The following NF1 variants were observed in gnomAD, a reference collection of about 807,000 sequenced individuals.
The protein encoded by NF1 is neurofibromin 1.
Under a neutral mutation model 325.7 loss-of-function variants are expected in NF1, and 122 were observed. The observed-to-expected ratio is 0.37, with a 90% CI of 0.32 to 0.44. The LOEUF is 0.44. NF1 is among the 20% of genes least tolerant of loss of function. NF1 has a pLI of 1.00. For missense variants in NF1, 2,140 were observed against 3,415.4 expected (o/e 0.63, Z 9.31); for synonymous variants, 1,091 against 1,186.0 (o/e 0.92, Z 1.65).
chr17:31,227,478 G>A (rs1157933628), intron 19 of NF1, 45 bp from the exon 20 acceptor site: 2 of 1,594,362 alleles, frequency 1.3e-6, no homozygotes, highest in Admixed American at 3.3e-5. Context: ...TTGATGTTTA[G>A]CTCTAGACTA....
At chr17:31,215,889 G>T (rs1420595741) in intron 13 of NF1, among the ~76,000 whole-genome samples, 1 of 152,110 alleles carries the variant, frequency 6.6e-6, no homozygotes, top group Non-Finnish European at 1.5e-5. Context: ...ATGAAACTTC[G>T]TGAATTTTTT....
chr17:31,293,178 CA>C (rs71142044), intron 36 of NF1, among the ~76,000 whole-genome samples: 12 of 64,882 alleles, frequency 1.8e-4, no homozygotes, highest in East Asian at 1.5e-3. Flanking sequence ...GACTTCGTCT[CA>C]AAAAAAAAAA....
intron 1 of NF1, among the ~76,000 whole-genome samples, chr17:31,099,038 T>C (rs892313443): frequency 1.3e-5 from 2 of 151,792 alleles, no homozygotes; most frequent in African/African-American, 4.8e-5. Flanking sequence ...CCAGGGGGAG[T>C]TAAGCTTTCC....
intron 48 of NF1, among the ~76,000 whole-genome samples, chr17:31,347,014 T>G (rs1449041458): frequency 6.6e-6 from 1 of 151,326 alleles, no homozygotes; most frequent in Non-Finnish European, 1.5e-5. Context: ...CACTGTTCCT[T>G]TCTTTTATTG....
chr17:31,233,641 T>C (rs1460752826), intron 27 of NF1, among the ~76,000 whole-genome samples: 1 of 152,218 alleles, frequency 6.6e-6, no homozygotes, highest in Non-Finnish European at 1.5e-5. Context: ...TTTGATATTA[T>C]GATATTGTTT....
chr17:31,274,236 TGA>T (rs762020687), intron 36 of NF1, among the ~76,000 whole-genome samples: 4 of 152,182 alleles, frequency 2.6e-5, no homozygotes, highest in Non-Finnish European at 1.5e-5. Flanking sequence ...CCAGTCACCT[TGA>T]AGTGCATAAA....
chr17:31,260,589 ATAGTGCT>A, intron 34 of NF1, 74 bp downstream of exon 34: 1 of 1,524,820 alleles, frequency 6.6e-7, no homozygotes, highest in Admixed American at 1.7e-5. Context: ...TTGGTCATGA[ATAGTGCT>A]TTTTACTTTG....
chr17:31,236,760 G>C (rs1006664335), intron 29 of NF1, among the ~76,000 whole-genome samples: 9 of 151,958 alleles, frequency 5.9e-5, no homozygotes, highest in Admixed American at 5.9e-4. Flanking sequence ...CCAGAGTGCA[G>C]TTTAAACCAC....
In NF1 at chr17:31,219,071, C is replaced by T. The variant is rs2143986669; in HGVS notation, c.1594C>T (p.Leu532=). Residue 532 remains leucine (L), a synonymous_variant, in exon 14 of 58, where the codon CTG becomes TTG. Coordinates refer to ENST00000358273, the MANE Select transcript of NF1 (RefSeq NM_001042492.3). The part of the protein sequence containing the change: ...TAELITGLVQ[L]VPQSHMPEIA... ...AGAATTAATTACAGGGCTCGTCCAA[C>T]TGGTCCCTCAGTCACACATGCCAGA... 6.2e-7 allele frequency: 1 copy of T among 1,613,846 alleles called. No individual in the cohort carries two copies.
intron 1 of NF1, among the ~76,000 whole-genome samples, chr17:31,098,527 G>C (rs1911982997): frequency 6.6e-6 from 1 of 152,022 alleles, no homozygotes; most frequent in Admixed American, 6.6e-5. Context: ...ACCACTCCTG[G>C]ATAACATTTG....
At chr17:31,126,936 T>C (rs895364465) in intron 1 of NF1, among the ~76,000 whole-genome samples, 5 of 152,222 alleles carry the variant, frequency 3.3e-5, no homozygotes, top group African/African-American at 1.2e-4. Context: ...GCTTTTCACT[T>C]TTACATTGAA....
In NF1 at chr17:31,304,679, C is replaced by T. The variant is rs139395003; in HGVS notation, c.4836-21141C>T. 10 of 1,614,090 alleles carry T rather than the reference C, an allele frequency of 6.2e-6. No homozygotes were observed. In the South Asian group the frequency reaches 1.1e-4, roughly 18 times the overall value. On this transcript the variant is annotated intron_variant, in intron 36 of 57. Transcript: ENST00000358273. ...TCTTCTGATGTACCATTTACTTGAT[C>T]TTTTATTTTCTCTGTTTTGGGGTTG...
chr17:31,239,547 A>G (rs2067258235), intron 29 of NF1, among the ~76,000 whole-genome samples: 1 of 123,394 alleles, frequency 8.1e-6, no homozygotes, highest in African/African-American at 4.4e-5. Flanking sequence ...ACCTAAAGCA[A>G]GATGGGGGGA....
At chr17:31,222,050 T>G in intron 15 of NF1, 121 bp downstream of exon 15, 1 of 1,283,822 alleles carries the variant, frequency 7.8e-7, no homozygotes, top group Non-Finnish European at 9.9e-7. Context: ...GGTTTTATGG[T>G]TTTGTATTTT....
In NF1 at chr17:31,326,072, G is replaced by A. The variant is rs786203568; in HGVS notation, c.5088G>A (p.Leu1696=). 2 of 1,614,012 alleles carry A rather than the reference G, an allele frequency of 1.2e-6. No homozygotes were observed. The highest frequency in any genetic ancestry group is 8.5e-7 in the Non-Finnish European group (1 of 1,179,910). ...VREYTKYHER[L]LTGLKGSKRL... is the part of the protein sequence containing the mutation. ...AGTACACCAAGTATCATGAGCGGCT[G>A]CTGACTGGCCTCAAAGGTAGCAAAA... is the stretch of plus-strand genomic sequence containing the variant. Residue 1696 remains leucine (L), a synonymous_variant, in exon 37 of 58, where the codon CTG becomes CTA. Transcript: ENST00000358273.
intron 57 of NF1, among the ~76,000 whole-genome samples, chr17:31,369,279 A>G (rs2070588686): frequency 6.6e-6 from 1 of 152,242 alleles, no homozygotes; most frequent in South Asian, 2.1e-4. Context: ...AACTTAAATA[A>G]CAATAATGTA....
chr17:31,175,608 T>C (rs1251793981), intron 5 of NF1, among the ~76,000 whole-genome samples: 6 of 152,290 alleles, frequency 3.9e-5, no homozygotes, highest in African/African-American at 1.4e-4. Context: ...CCATGTGCCA[T>C]GGTGGTTTGC....
At chr17:31,103,282 G>A (rs1312530888) in intron 1 of NF1, among the ~76,000 whole-genome samples, 3 of 151,584 alleles carry the variant, frequency 2.0e-5, no homozygotes, top group Admixed American at 6.6e-5. Flanking sequence ...TCGCTTTCTC[G>A]CCTAGGCTGG....
chr17:31,166,218 A>T (rs1018870559), intron 4 of NF1, among the ~76,000 whole-genome samples: 1 of 152,104 alleles, frequency 6.6e-6, no homozygotes. Flanking sequence ...TTTACAGTTT[A>T]CTATTTGGTT....
Sources: allele counts gnomAD v4.1 joint callset (sites outside exome capture counted in the v4.1 genomes callset), GRCh38; gene constraint gnomAD v4.1.1; transcripts MANE v1.5; gene names NCBI Gene and HGNC (gene_info 2026-07-23, HGNC 2026-07-21).